The following RAB40B variants were observed in gnomAD, a reference collection of about 807,000 sequenced individuals.
The protein encoded by RAB40B is ras-related protein Rab-40B.
In RAB40B, 21 loss-of-function variants were observed where a neutral mutation model predicts 24.0. That is an observed-to-expected ratio of 0.88 (90% CI 0.62 to 1.26). The LOEUF is 1.26. Ranked by LOEUF, RAB40B falls within the 50% of genes most tolerant of loss-of-function variation. The probability of loss-of-function intolerance (pLI) is 0.00; values close to 1 mark genes in which losing one functional copy is unlikely to be tolerated. For synonymous variants in RAB40B, 167 were observed against 169.8 expected, an observed-to-expected ratio of 0.98 and a Z score of 0.13; for missense variants, 348 against 390.5, an observed-to-expected ratio of 0.89 and a Z score of 0.92.
intron 1 of RAB40B, among the ~76,000 whole-genome samples, chr17:82,674,868 T>G (rs1167613915): frequency 6.6e-6 from 1 of 151,474 alleles, no homozygotes; most frequent in African/African-American, 2.4e-5. Flanking sequence ...GTGCAGGGAG[T>G]AGGCAGAGGA....
intron 1 of RAB40B, among the ~76,000 whole-genome samples, chr17:82,668,057 G>A (rs879807952): frequency 3.3e-5 from 5 of 152,192 alleles, no homozygotes; most frequent in African/African-American, 1.2e-4. Context: ...GAGGGTGAGC[G>A]AGACGAGGAG....
rs1165759403 is a variant in RAB40B at position 82,659,249 on chromosome 17, G to A, written c.342+331C>T. The A allele has an allele frequency of 1.2e-5, 4 of 347,692 alleles. No individual in the cohort carries two copies. In the East Asian group the frequency reaches 2.4e-4, roughly 21 times the overall value. The allele number at this position is 347,692 out of a possible 1,614,324, so 21.5% of individuals were successfully genotyped here. A position where few individuals can be genotyped will look rare whatever the true frequency, so the allele number is the denominator to read the frequency against. On this transcript the variant is annotated intron_variant, in intron 4 of 5. Transcript: ENST00000571995. ...AGGCGGGCTGGTCTGCGTGCCAGCA[G>A]GCACAAGCGCCGGTCACTGCTGGTC...
intron 3 of RAB40B, among the ~76,000 whole-genome samples, chr17:82,660,567 C>T (rs531322844): frequency 8.6e-5 from 13 of 151,888 alleles, no homozygotes; most frequent in South Asian, 2.1e-4. Flanking sequence ...CACACACACA[C>T]GCACAGGCAC....
chr17:82,694,297 A>G (rs2046587083), intron 1 of RAB40B, among the ~76,000 whole-genome samples: 1 of 151,558 alleles, frequency 6.6e-6, no homozygotes, highest in Non-Finnish European at 1.5e-5. Flanking sequence ...TGGGAGGCTG[A>G]GCTAAGCAGA....
chr17:82,680,386 C>T (rs769165434), intron 1 of RAB40B, among the ~76,000 whole-genome samples: 7 of 152,170 alleles, frequency 4.6e-5, no homozygotes, highest in African/African-American at 1.7e-4. Context: ...GGGGACGGGA[C>T]GGCAGTTCCC....
In RAB40B at chr17:82,664,543, C is replaced by T. The variant is rs1246491679; in HGVS notation, c.156G>A (p.Lys52=). 3 of 1,613,520 alleles carry T rather than the reference C, an allele frequency of 1.9e-6. No individual in the cohort carries two copies. The African/African-American group carries it at 4.0e-5, about 22-fold the overall frequency. ...GCCCGTCCAGCAGGATGGTGGTCGTCTTGTAGTCGATGCCTGCGGAAGGGT... is the reference window on the plus strand; with the variant it reads ...GCCCGTCCAGCAGGATGGTGGTCGTTTTGTAGTCGATGCCTGCGGAAGGGT... ...PYGHPAGIDY[K]TTTILLDGRR... is the part of the protein sequence containing the mutation. The change falls in exon 2 of 6, where the codon AAG becomes AAA. Residue 52 remains lysine (K), a synonymous_variant. Coordinates refer to ENST00000571995, the MANE Select transcript of RAB40B (RefSeq NM_006822.3).
intron 1 of RAB40B, among the ~76,000 whole-genome samples, chr17:82,681,129 C>T (rs1442895371): frequency 6.7e-6 from 1 of 149,018 alleles, no homozygotes; most frequent in Non-Finnish European, 1.5e-5. Context: ...ATACATTGAA[C>T]ACAGTTGCCA....
chr17:82,671,271 T>TTA (rs2046328725), intron 1 of RAB40B, among the ~76,000 whole-genome samples: 1 of 115,514 alleles, frequency 8.7e-6, no homozygotes, highest in Non-Finnish European at 2.0e-5. Context: ...ACACACACAG[T>TTA]CACACATCCT....
chr17:82,681,427 A>C (rs1398009393), intron 1 of RAB40B, among the ~76,000 whole-genome samples: 1 of 152,116 alleles, frequency 6.6e-6, no homozygotes, highest in African/African-American at 2.4e-5. Flanking sequence ...GCAGTCAGAC[A>C]CTGGGTAGGG....
In RAB40B at chr17:82,657,705, G is replaced by A. The variant is rs759500642; in HGVS notation, c.*158C>T. The A allele has an allele frequency of 1.1e-4, 105 of 925,214 alleles. No individual in the cohort carries two copies. Among genetic ancestry groups the A allele is most frequent in the Non-Finnish European group, 1.4e-4 (79 of 562,404 alleles). 57.3% of individuals were successfully genotyped at this position (925,214 alleles called of 1,614,324 possible). On this transcript the variant is annotated 3_prime_UTR_variant, in exon 6 of 6. Transcript: ENST00000571995. Reference sequence around the variant, plus strand: ...ACATCCACGTAGAAATTCGAAGTCCGACGGGGTAGTGTGTTTCCATCACAC... The same window carrying A: ...ACATCCACGTAGAAATTCGAAGTCCAACGGGGTAGTGTGTTTCCATCACAC...
chr17:82,678,560 C>T (rs1225631548), intron 1 of RAB40B, among the ~76,000 whole-genome samples: 1 of 152,206 alleles, frequency 6.6e-6, no homozygotes, highest in African/African-American at 2.4e-5. Context: ...GGCATAACCG[C>T]CTTCACAAGC....
At chr17:82,678,576 T>C (rs1204092261) in intron 1 of RAB40B, among the ~76,000 whole-genome samples, 1 of 152,186 alleles carries the variant, frequency 6.6e-6, no homozygotes, top group African/African-American at 2.4e-5. Context: ...CAAGCGAGGA[T>C]CTGTTGATGG....
In RAB40B at chr17:82,664,538, G is replaced by A. The variant is rs760889224; in HGVS notation, c.161C>T (p.Thr54Ile). ...GHPAGIDYKT[T>I]TILLDGRRVK... ...CCGCCGCCCGTCCAGCAGGATGGTG[G>A]TCGTCTTGTAGTCGATGCCTGCGGA... Residue 54 changes from threonine (T) to isoleucine (I), a missense_variant, in exon 2 of 6, where the codon ACC becomes ATC. Physicochemically the swap from Thr to Ile is moderately conservative, Grantham distance 89. Coordinates refer to ENST00000571995, the MANE Select transcript of RAB40B (RefSeq NM_006822.3). 1 of 1,613,622 alleles carries A rather than the reference G, an allele frequency of 6.2e-7. No individual in the cohort carries two copies. Among genetic ancestry groups the A allele is most frequent in the Admixed American group, 1.7e-5 (1 of 60,008 alleles).
At chr17:82,669,145 C>T (rs2046300974) in intron 1 of RAB40B, among the ~76,000 whole-genome samples, 1 of 152,074 alleles carries the variant, frequency 6.6e-6, no homozygotes. Context: ...CGAAACCAGC[C>T]TGGGCAACAT....
At chr17:82,680,149 T>G (rs1353636409) in intron 1 of RAB40B, among the ~76,000 whole-genome samples, 1 of 152,186 alleles carries the variant, frequency 6.6e-6, no homozygotes, top group Non-Finnish European at 1.5e-5. Context: ...GTTCGAGGGC[T>G]CAACTCAGGC....
intron 1 of RAB40B, 155 bp from the exon 2 acceptor site, chr17:82,664,711 A>C: frequency 1.2e-4 from 81 of 692,356 alleles, no homozygotes; most frequent in Non-Finnish European, 1.6e-4. Flanking sequence ...GCCCAAGCTC[A>C]CAGGGGCCCT....
chr17:82,676,504 G>A (rs778566656), intron 1 of RAB40B, among the ~76,000 whole-genome samples: 13 of 143,378 alleles, frequency 9.1e-5, no homozygotes, highest in South Asian at 2.1e-4. Context: ...ATTCCGTGGC[G>A]AGTCTCTCGG....
intron 1 of RAB40B, among the ~76,000 whole-genome samples, chr17:82,666,401 C>T (rs1038216233): frequency 2.0e-5 from 3 of 152,064 alleles, no homozygotes; most frequent in Non-Finnish European, 4.4e-5. Context: ...TACACCGCCA[C>T]GTCCAGCTAA....
In RAB40B at chr17:82,692,920, C is replaced by T. The variant is rs906138434; in HGVS notation, c.142+5535G>A. ...ACAGCCAGAATCTATATTTTAAACA[C>T]TCCTAGCAAGCATTGAAAGAAATTC... On this transcript the variant is annotated intron_variant, in intron 1 of 5. Coordinates refer to ENST00000571995, the MANE Select transcript of RAB40B (RefSeq NM_006822.3). This position sits in a 1 kb window ranked among gnomAD's most constrained non-coding sequence, Gnocchi z 4.0. 6.6e-6 allele frequency among the ~76,000 whole-genome samples: 1 copy of T among 152,206 alleles called. No homozygotes were observed. The highest frequency in any genetic ancestry group is 1.5e-5 in the Non-Finnish European group (1 of 68,042).
Sources: allele counts gnomAD v4.1 joint callset (sites outside exome capture counted in the v4.1 genomes callset), GRCh38; gene constraint gnomAD v4.1.1; non-coding constraint Gnocchi (gnomAD v3.1); transcripts MANE v1.5; gene names NCBI Gene and HGNC (gene_info 2026-07-23, HGNC 2026-07-21).